Variants in CDH13 observed in about 807,000 individuals in gnomAD.
CDH13 encodes the protein cadherin 13.
CDH13 carries 24 observed loss-of-function variants against 63.8 expected under a neutral mutation model. That is an observed-to-expected ratio of 0.38 (90% CI 0.27 to 0.53). CDH13 has a LOEUF of 0.53. CDH13 is among the 20% of genes least tolerant of loss of function. The pLI is 0.85. For synonymous variants in CDH13, 503 were observed against 355.3 expected, an observed-to-expected ratio of 1.42 and a Z score of -4.67; for missense variants, 1,049 against 903.1, an observed-to-expected ratio of 1.16 and a Z score of -2.07.
intron 11 of CDH13, among the ~76,000 whole-genome samples, chr16:83,754,492 G>A (rs1913343785): frequency 6.6e-6 from 1 of 152,196 alleles, no homozygotes; most frequent in East Asian, 1.9e-4. Flanking sequence ...GATACAGTTT[G>A]GCTCTGTGTC....
intron 6 of CDH13, among the ~76,000 whole-genome samples, chr16:83,459,456 C>G (rs1288539143): frequency 6.6e-6 from 1 of 152,204 alleles, no homozygotes; most frequent in African/African-American, 2.4e-5. Flanking sequence ...TGTTTGTTTA[C>G]TTTTCTCCAT....
chr16:83,097,666 T>C (rs1457193552), intron 3 of CDH13, among the ~76,000 whole-genome samples: 1 of 152,176 alleles, frequency 6.6e-6, no homozygotes, highest in Non-Finnish European at 1.5e-5. Context: ...AGAGTTTATG[T>C]GGGAAGTGCA....
At chr16:83,668,676 T>C (rs761535898) in intron 8 of CDH13, among the ~76,000 whole-genome samples, 7 of 151,848 alleles carry the variant, frequency 4.6e-5, no homozygotes, top group African/African-American at 1.7e-4. Context: ...TGGGCAGGAG[T>C]GGCAGAGCAA....
intron 8 of CDH13, among the ~76,000 whole-genome samples, chr16:83,617,077 G>A (rs1273223959): frequency 6.6e-6 from 1 of 152,072 alleles, no homozygotes; most frequent in Non-Finnish European, 1.5e-5. Flanking sequence ...CTAGCCTAGA[G>A]TTACCACATT....
intron 1 of CDH13, among the ~76,000 whole-genome samples, chr16:82,845,774 T>A (rs527821739): frequency 2.0e-5 from 3 of 152,308 alleles, no homozygotes; most frequent in Admixed American, 6.5e-5. Context: ...TTACAAAAAA[T>A]TCATAAATAG....
At chr16:83,067,279 A>T (rs2032091339) in intron 3 of CDH13, among the ~76,000 whole-genome samples, 1 of 152,154 alleles carries the variant, frequency 6.6e-6, no homozygotes, top group South Asian at 2.1e-4. Context: ...TGCATAGTAC[A>T]GTGGTTAACG....
At chr16:83,035,095 A>G (rs1328695533) in intron 3 of CDH13, among the ~76,000 whole-genome samples, 2 of 84,886 alleles carry the variant, frequency 2.4e-5, no homozygotes, top group Non-Finnish European at 4.5e-5. Flanking sequence ...CAAAAAAGGA[A>G]AAAAAAATAA....
At chr16:83,676,361 C>G (rs1251684863) in intron 9 of CDH13, among the ~76,000 whole-genome samples, 2 of 152,156 alleles carry the variant, frequency 1.3e-5, no homozygotes, top group African/African-American at 4.8e-5. Context: ...CTCTGCATCT[C>G]ACTGCTGTTC....
At chr16:83,463,121 G>T (rs1018130485) in intron 6 of CDH13, among the ~76,000 whole-genome samples, 4 of 152,266 alleles carry the variant, frequency 2.6e-5, no homozygotes, top group African/African-American at 9.6e-5. Flanking sequence ...TGTAATGAAA[G>T]ATGAGCAGAA....
chr16:83,184,091 C>CACACAG (rs1234051281), intron 4 of CDH13, among the ~76,000 whole-genome samples: 1 of 103,250 alleles, frequency 9.7e-6, no homozygotes, highest in Non-Finnish European at 1.8e-5. Flanking sequence ...AGAGGTTAAA[C>CACACAG]ACACACACAC....
Position 83,163,154 on chromosome 16 carries a change from C to T in CDH13, c.483+37653C>T, listed in dbSNP as rs114170540. 3.4e-3 allele frequency among the ~76,000 whole-genome samples: 520 copies of T among 152,222 alleles called. 3 individuals are homozygous for T. The highest frequency in any genetic ancestry group is 0.012 in the African/African-American group (509 of 41,532). On this transcript the variant is annotated intron_variant, in intron 4 of 13. Transcript: ENST00000567109. ...CTTATCTGCCACCATGTGAGACATG[C>T]CATTCACCTTCCACCATGATTGTGA...
chr16:82,771,765 A>G (rs1251555159), intron 1 of CDH13, among the ~76,000 whole-genome samples: 1 of 152,226 alleles, frequency 6.6e-6, no homozygotes, highest in Non-Finnish European at 1.5e-5. Flanking sequence ...AAAAACGTAT[A>G]GGGAAGTGGG....
At chr16:82,982,133 C>G (rs1292437725) in intron 2 of CDH13, among the ~76,000 whole-genome samples, 4 of 152,094 alleles carry the variant, frequency 2.6e-5, no homozygotes, top group Non-Finnish European at 4.4e-5. Context: ...AAATTAATCT[C>G]AGTTTACCCA....
chr16:82,660,836 G>T (rs1007916899), intron 1 of CDH13, among the ~76,000 whole-genome samples: 21 of 151,914 alleles, frequency 1.4e-4, no homozygotes, highest in African/African-American at 4.8e-4. Flanking sequence ...TTTTGTTCCG[G>T]CAATACAAGT....
At chr16:82,900,150 G>A (rs763238237) in intron 2 of CDH13, among the ~76,000 whole-genome samples, 1 of 152,186 alleles carries the variant, frequency 6.6e-6, no homozygotes, top group Non-Finnish European at 1.5e-5. Flanking sequence ...CCTCTGCCAA[G>A]AGTGATTCTT....
At chr16:82,996,949 T>G (rs1364127560) in intron 2 of CDH13, among the ~76,000 whole-genome samples, 1 of 116,972 alleles carries the variant, frequency 8.5e-6, no homozygotes, top group Non-Finnish European at 1.8e-5. Flanking sequence ...ATGGTGTTGT[T>G]GATGATGGTG....
At chr16:83,781,321 A>T (rs568627999) in intron 12 of CDH13, among the ~76,000 whole-genome samples, 5 of 152,346 alleles carry the variant, frequency 3.3e-5, no homozygotes, top group African/African-American at 1.2e-4. Context: ...ATAAAGTAAA[A>T]GAAAAAAGAA....
chr16:82,976,338 T>C (rs958894922), intron 2 of CDH13, among the ~76,000 whole-genome samples: 2 of 152,148 alleles, frequency 1.3e-5, no homozygotes, highest in African/African-American at 2.4e-5. Context: ...TGGTGTCCTA[T>C]GCCTCCCTCT....
At chr16:82,701,002 T>A (rs1249100612) in intron 1 of CDH13, among the ~76,000 whole-genome samples, 2 of 97,038 alleles carry the variant, frequency 2.1e-5, no homozygotes. Context: ...ACTGCTGTCC[T>A]GTGGATAGCC....
Sources: allele counts gnomAD v4.1 joint callset (sites outside exome capture counted in the v4.1 genomes callset), GRCh38; gene constraint gnomAD v4.1.1; transcripts MANE v1.5; gene names NCBI Gene and HGNC (gene_info 2026-07-23, HGNC 2026-07-21).